RBL2: variants seen among roughly 807,000 people sequenced by gnomAD.
RBL2 encodes RB transcriptional corepressor like 2, also known as retinoblastoma-like protein 2.
Under a neutral mutation model 126.0 loss-of-function variants are expected in RBL2, and 56 were observed. That is an observed-to-expected ratio of 0.44 (90% CI 0.36 to 0.56). RBL2 has a LOEUF of 0.56. Ranked by LOEUF, RBL2 falls within the 20% of genes least tolerant of loss-of-function variation. The probability of loss-of-function intolerance (pLI) is 0.00; values close to 1 mark genes in which losing one functional copy is unlikely to be tolerated. For missense variants in RBL2, 1,229 were observed against 1,398.2 expected (o/e 0.88, Z 1.93); for synonymous variants, 454 against 478.5 (o/e 0.95, Z 0.67).
intron 5 of RBL2, 58 bp from the exon 6 acceptor site, chr16:53,453,394 A>C: frequency 6.8e-7 from 1 of 1,471,106 alleles, no homozygotes; most frequent in South Asian, 1.2e-5. Context: ...ATTTTAGTTT[A>C]TTACAAATTG....
At chr16:53,485,856 A>C (rs13337775) in intron 21 of RBL2, among the ~76,000 whole-genome samples, 15,450 of 135,694 alleles carry the variant, frequency 0.11, 887 homozygotes, top group South Asian at 0.2. Context: ...ACCATCTAAA[A>C]AAAAACAAAA....
In RBL2 at chr16:53,451,796, C is replaced by G; in HGVS notation, c.731C>G (p.Ser244Cys). 6.2e-7 allele frequency: 1 copy of G among 1,613,744 alleles called. No individual in the cohort carries two copies. ...DLVYGNALQC[S>C]NRKELVNPNF... is the part of the protein sequence containing the mutation. The stretch of plus-strand genomic sequence containing the variant: ...GTTTATGGAAATGCACTTCAGTGTT[C>G]TAATCGTAAAGAACTTGTGAACCCT... Residue 244 changes from serine to cysteine, a missense_variant, in exon 5 of 22, where the codon TCT becomes TGT. Around this residue, in one of 2 missense-constraint regions of RBL2, gnomAD observed 1,070 missense variants for 1,274.3 expected, o/e 0.84. Transcript: ENST00000262133.
chr16:53,480,968 G>A, intron 20 of RBL2, 199 bp downstream of exon 20: 1 of 464,256 alleles, frequency 2.2e-6, no homozygotes, highest in Non-Finnish European at 3.8e-6. Flanking sequence ...AGACCAGCCT[G>A]GCCAACGTGG....
chr16:53,462,863 T>C (rs1255829319), intron 11 of RBL2, among the ~76,000 whole-genome samples: 2 of 152,194 alleles, frequency 1.3e-5, no homozygotes, highest in Non-Finnish European at 2.9e-5. Flanking sequence ...CTATTTGAGA[T>C]GGAGTCTTGC....
rs1034139124 is a variant in RBL2 at position 53,470,517 on chromosome 16, G to A, written c.2380G>A (p.Val794Met). ...GGCTGGAAGTCTGAGCTCTCAACAG[G>A]TGACAGGAACAACTTTGCAAGTCCC... The part of the protein sequence containing the change: ...ALAGSLSSQQ[V>M]TGTTLQVPGQ... Residue 794 changes from valine to methionine, a missense_variant, in exon 16 of 22, where the codon GTG (valine) becomes ATG (methionine). Val to Met is a conservative substitution (Grantham distance 21). Coordinates refer to ENST00000262133, the MANE Select transcript of RBL2 (RefSeq NM_005611.4). The A allele has an allele frequency of 5.6e-6, 9 of 1,614,010 alleles. No homozygotes were observed. The African/African-American group carries it at 9.3e-5, about 17-fold the overall frequency.
At chr16:53,479,298 TTGACTC>T in intron 18 of RBL2, 73 bp downstream of exon 18, 1 of 1,384,216 alleles carries the variant, frequency 7.2e-7, no homozygotes, top group Non-Finnish European at 1.0e-6. Context: ...TTAACCATAG[TTGACTC>T]TGTGGCCTTT....
intron 1 of RBL2, 36 bp from the exon 2 acceptor site, chr16:53,438,980 T>G: frequency 7.0e-7 from 1 of 1,424,704 alleles, no homozygotes; most frequent in East Asian, 2.5e-5. Flanking sequence ...TATATGTAGC[T>G]TTTTAACTAA....
chr16:53,438,472 C>T (rs561248030), intron 1 of RBL2, among the ~76,000 whole-genome samples: 22 of 152,262 alleles, frequency 1.4e-4, no homozygotes, highest in African/African-American at 5.1e-4. Flanking sequence ...TGTGAGGGAA[C>T]GCAGACCCTT....
In RBL2 at chr16:53,439,107, A is replaced by T. The variant is rs776782147; in HGVS notation, c.332A>T (p.Tyr111Phe). 6.2e-7 allele frequency: 1 copy of T among 1,607,782 alleles called. No individual in the cohort carries two copies. The highest frequency in any genetic ancestry group is 8.5e-7 in the Non-Finnish European group (1 of 1,177,206). Residue 111 changes from tyrosine to phenylalanine, a missense_variant, in exon 2 of 22, where the codon TAT (tyrosine) becomes TTT (phenylalanine). By Grantham distance (22) the Tyr-to-Phe change is conservative. Coordinates refer to ENST00000262133, the MANE Select transcript of RBL2 (RefSeq NM_005611.4). ...AGCAAAGGGACAGTGGAAGGAAACT[A>T]TGTATCTTTAACTAGAATCCTGAAA... ...TVSKGTVEGN[Y>F]VSLTRILKCS... is the part of the protein sequence containing the mutation.
chr16:53,484,889 G>A (rs1961100913), intron 21 of RBL2, among the ~76,000 whole-genome samples: 1 of 152,124 alleles, frequency 6.6e-6, no homozygotes, highest in East Asian at 1.9e-4. Flanking sequence ...TACCACTCAT[G>A]AAAAGAAAGT....
At chr16:53,479,657 C>T (rs1042782787) in intron 18 of RBL2, 4 of 479,860 alleles carry the variant, frequency 8.3e-6, no homozygotes, top group African/African-American at 5.9e-5. Flanking sequence ...TGGTTGGGTG[C>T]TGTCACTGCA....
At chr16:53,482,830 C>T (rs1011374257) in intron 21 of RBL2, among the ~76,000 whole-genome samples, 3 of 137,280 alleles carry the variant, frequency 2.2e-5, no homozygotes, top group South Asian at 2.3e-4. Context: ...AAAAAAAAAA[C>T]GGTTGCTTAG....
chr16:53,472,523 A>T (rs1960560239), intron 17 of RBL2, among the ~76,000 whole-genome samples: 1 of 152,138 alleles, frequency 6.6e-6, no homozygotes. Flanking sequence ...GCATCTTTTC[A>T]TGTGCTTACT....
At chr16:53,487,697 A>G (rs1332255650) in intron 21 of RBL2, 1 of 152,228 alleles carries the variant, frequency 6.6e-6, no homozygotes, top group Admixed American at 6.5e-5. Context: ...ATCAAAATGA[A>G]TAATTTCTGC....
At chr16:53,453,883 G>T in intron 7 of RBL2, 114 bp downstream of exon 7, 4 of 959,130 alleles carry the variant, frequency 4.2e-6, no homozygotes, top group Non-Finnish European at 4.5e-6. Context: ...TTTTGTGAGA[G>T]AATACAGGGA....
At chr16:53,489,936 C>G in intron 21 of RBL2, 194 bp from the exon 22 acceptor site, 1 of 402,090 alleles carries the variant, frequency 2.5e-6, no homozygotes, top group Non-Finnish European at 4.4e-6. Flanking sequence ...TACTCAGCCC[C>G]TTCTCAAATA....
At chr16:53,437,546 A>G (rs1323967060) in intron 1 of RBL2, among the ~76,000 whole-genome samples, 1 of 152,198 alleles carries the variant, frequency 6.6e-6, no homozygotes, top group African/African-American at 2.4e-5. Flanking sequence ...TTTACAAACA[A>G]TGCCTTAAAA....
intron 3 of RBL2, 27 bp from the exon 4 acceptor site, chr16:53,447,015 A>G (rs1222654833): frequency 2.1e-6 from 3 of 1,431,532 alleles, no homozygotes; most frequent in Non-Finnish European, 1.9e-6. Flanking sequence ...CTGTTGTCTC[A>G]TGACTTTTTT....
intron 1 of RBL2, chr16:53,435,816 T>C: frequency 7.7e-6 from 9 of 1,171,906 alleles, no homozygotes; most frequent in Non-Finnish European, 1.0e-5. Flanking sequence ...GTATTTGCAT[T>C]AATAGAATTT....
Sources: gnomAD v4.1 joint callset for allele counts (sites outside exome capture counted in the v4.1 genomes callset) on GRCh38, gnomAD v4.1.1 for gene constraint, gnomAD v4.1.1 regional missense constraint, MANE v1.5 for transcripts, NCBI Gene and HGNC (gene_info 2026-07-23, HGNC 2026-07-21) for gene names.